Variants in PSMA5 observed in about 807,000 individuals in gnomAD.
PSMA5 encodes proteasome subunit alpha type-5.
In PSMA5, 3 loss-of-function variants were observed where a neutral mutation model predicts 34.5. The observed-to-expected ratio is 0.09, with a 90% confidence interval of 0.04 to 0.22. The LOEUF is 0.22. Among genes scored for constraint, PSMA5 ranks in the 10% least tolerant of loss-of-function variants. PSMA5 has a pLI of 1.00. For missense variants in PSMA5, 120 were observed against 286.1 expected, an observed-to-expected ratio of 0.42 and a Z score of 4.19; for synonymous variants, 88 against 95.8, an observed-to-expected ratio of 0.92 and a Z score of 0.47.
intron 4 of PSMA5, 123 bp downstream of exon 4, chr1:109,412,945 A>C: frequency 1.3e-6 from 1 of 783,994 alleles, no homozygotes; most frequent in Non-Finnish European, 2.1e-6. Context: ...TTCTACCCAA[A>C]ATTACTCCCA....
chr1:109,419,262 G>C (rs1557844458), intron 2 of PSMA5, among the ~76,000 whole-genome samples: 1 of 152,218 alleles, frequency 6.6e-6, no homozygotes, highest in Non-Finnish European at 1.5e-5. Flanking sequence ...ACAAGAGGGA[G>C]TTAAAGGGAA....
At position 109,426,352 on chromosome 1, in the gene PSMA5, C is replaced by G; in HGVS notation, c.-22G>C. The G allele has an allele frequency of 6.2e-7, 1 of 1,613,188 alleles. No individual in the cohort carries two copies. The highest frequency in any genetic ancestry group is 2.2e-5 in the East Asian group (1 of 44,768). ...ACATGGCGAGGGTAGGAGGAGGCAG[C>G]GGCTACGCGGGGATTCTGAGGACCA... On this transcript the variant is annotated 5_prime_UTR_variant, in exon 1 of 9. Coordinates refer to ENST00000271308, the MANE Select transcript of PSMA5 (RefSeq NM_002790.4).
intron 3 of PSMA5, 122 bp downstream of exon 3, chr1:109,415,115 G>T: frequency 8.0e-7 from 1 of 1,248,816 alleles, no homozygotes; most frequent in Non-Finnish European, 1.1e-6. Flanking sequence ...CTGGCCTACT[G>T]CCTGGAAAAT....
chr1:109,401,798 TAAAAA>T lies in PSMA5; in HGVS notation c.*210_*214del, dbSNP rs11314171. The T allele has an allele frequency of 1.1e-4, 22 of 203,672 alleles. No homozygotes were observed. Among genetic ancestry groups the T allele is most frequent in the South Asian group, 2.2e-4 (2 of 8,896 alleles). 12.6% of individuals were successfully genotyped at this position (203,672 alleles called of 1,614,324 possible). ...GGCAATATAGTGAGACCTCATCTCT[TAAAAA>T]AAAAAAAAAAAAAAAGACTATTAGA... is the stretch of plus-strand genomic sequence containing the variant. On this transcript the variant is annotated 3_prime_UTR_variant, in exon 9 of 9. Coordinates refer to ENST00000271308, the MANE Select transcript of PSMA5 (RefSeq NM_002790.4).
At position 109,400,010 on chromosome 1, in the gene PSMA5, C is replaced by T. The variant is rs1653438624; in HGVS notation, c.*2003G>A. 6.6e-6 allele frequency: 1 copy of T among 152,128 alleles called. No homozygotes were observed. Among genetic ancestry groups the T allele is most frequent in the Non-Finnish European group, 1.5e-5 (1 of 68,022 alleles). The allele number at this position is 152,128 out of a possible 1,614,324, so 9.4% of individuals were successfully genotyped here. ...AAACCATTGCTGTTCGTAGTAAGAT[C>T]ACTTCTTTAACCTAAGAAAGCTTGT... On this transcript the variant is annotated 3_prime_UTR_variant, in exon 9 of 9. Coordinates refer to ENST00000271308, the MANE Select transcript of PSMA5 (RefSeq NM_002790.4).
At chr1:109,421,118 T>C (rs112512015) in intron 2 of PSMA5, among the ~76,000 whole-genome samples, 173 of 151,858 alleles carry the variant, frequency 1.1e-3, no homozygotes, top group African/African-American at 3.9e-3. Flanking sequence ...GCCCAGGAGT[T>C]AGAAGCTGCA....
chr1:109,417,439 T>C (rs1654254109), intron 2 of PSMA5, among the ~76,000 whole-genome samples: 1 of 152,158 alleles, frequency 6.6e-6, no homozygotes, highest in Non-Finnish European at 1.5e-5. Flanking sequence ...GAGCTAAAAA[T>C]TGCAAGGTGG....
intron 8 of PSMA5, among the ~76,000 whole-genome samples, chr1:109,409,265 T>A (rs906029171): frequency 2.0e-5 from 3 of 152,180 alleles, no homozygotes; most frequent in African/African-American, 7.2e-5. Flanking sequence ...CAATCAATTC[T>A]GATGCCTCAG....
At chr1:109,412,354 T>C in intron 4 of PSMA5, 170 bp from the exon 5 acceptor site, 2 of 575,268 alleles carry the variant, frequency 3.5e-6, no homozygotes, top group South Asian at 4.4e-5. Flanking sequence ...GGAAGAGAAA[T>C]AGCTCTGGAA....
chr1:109,410,420 C>T (rs1328436783), intron 7 of PSMA5, among the ~76,000 whole-genome samples: 2 of 152,132 alleles, frequency 1.3e-5, no homozygotes, highest in Non-Finnish European at 2.9e-5. Flanking sequence ...CTGTTTTGTA[C>T]CTAATTTCTT....
rs1041705801 is a variant in PSMA5, at chr1:109,401,686, G to C, written c.*327C>G. 1 of 185,548 alleles carries C rather than the reference G, an allele frequency of 5.4e-6. No homozygotes were observed. Among genetic ancestry groups the C allele is most frequent in the Non-Finnish European group, 1.1e-5 (1 of 90,846 alleles). 11.5% of individuals were successfully genotyped at this position (185,548 alleles called of 1,614,324 possible). ...ACAAAAGACTGTATTACAATGGCTG[G>C]GCACAGTGGCTCTCGCCTATAATCC... is the stretch of plus-strand genomic sequence containing the variant. On this transcript the variant is annotated 3_prime_UTR_variant, in exon 9 of 9. Transcript: ENST00000271308.
chr1:109,411,160 ACTTT>A (rs772076409), intron 6 of PSMA5, 47 bp from the exon 7 acceptor site: 10 of 1,339,768 alleles, frequency 7.5e-6, no homozygotes, highest in Non-Finnish European at 1.1e-5. Context: ...GAGTGGTGGC[ACTTT>A]ATGTAACAAA....
intron 8 of PSMA5, among the ~76,000 whole-genome samples, chr1:109,405,082 G>A (rs1653692936): frequency 6.6e-6 from 1 of 152,230 alleles, no homozygotes; most frequent in Non-Finnish European, 1.5e-5. Flanking sequence ...TGTATGGCTA[G>A]ACCACAGCTT....
At chr1:109,405,214 A>G (rs1263345579) in intron 8 of PSMA5, among the ~76,000 whole-genome samples, 3 of 152,208 alleles carry the variant, frequency 2.0e-5, no homozygotes, top group Non-Finnish European at 4.4e-5. Context: ...TCCTGACTCT[A>G]CCATTTACCT....
At chr1:109,424,570 G>C (rs1274105174) in intron 1 of PSMA5, among the ~76,000 whole-genome samples, 1 of 152,022 alleles carries the variant, frequency 6.6e-6, no homozygotes, top group Non-Finnish European at 1.5e-5. Flanking sequence ...GAGGTCAGGA[G>C]TTCAAGACCA....
At chr1:109,406,830 C>A (rs1467999012) in intron 8 of PSMA5, among the ~76,000 whole-genome samples, 1 of 152,046 alleles carries the variant, frequency 6.6e-6, no homozygotes, top group Non-Finnish European at 1.5e-5. Flanking sequence ...GGGGGTTGTA[C>A]ATTTGTCAAC....
chr1:109,404,610 GA>G (rs1199912891), intron 8 of PSMA5, among the ~76,000 whole-genome samples: 3 of 152,096 alleles, frequency 2.0e-5, no homozygotes, highest in Non-Finnish European at 2.9e-5. Context: ...CTCATCACTA[GA>G]TAAGTAAAAA....
chr1:109,400,577 A>G lies in PSMA5; in HGVS notation c.*1436T>C, dbSNP rs1331873933. The G allele has an allele frequency of 6.6e-6, 1 of 152,248 alleles. No homozygotes were observed. Among genetic ancestry groups the G allele is most frequent in the African/African-American group, 2.4e-5 (1 of 41,468 alleles). The allele number at this position is 152,248 out of a possible 1,614,324, so 9.4% of individuals were successfully genotyped here. A position where few individuals can be genotyped will look rare whatever the true frequency, so the allele number is the denominator to read the frequency against. On this transcript the variant is annotated 3_prime_UTR_variant, in exon 9 of 9. Coordinates refer to ENST00000271308, the MANE Select transcript of PSMA5 (RefSeq NM_002790.4). ...ATACTTAATAAGTGTTAAAATCACTAGAAGTCTCTGGAACATTCAGTAACA... is the reference window on the plus strand; with the variant it reads ...ATACTTAATAAGTGTTAAAATCACTGGAAGTCTCTGGAACATTCAGTAACA...
In PSMA5 at chr1:109,412,122, A is replaced by G; in HGVS notation, c.354T>C (p.Asn118=). Reference sequence around the variant, plus strand: ...CTTCTTCTCCAAACTGCAAAGCCAGATTGGACACAGCTTGGGTCACACTCT... The same window carrying G: ...CTTCTTCTCCAAACTGCAAAGCCAGGTTGGACACAGCTTGGGTCACACTCT... ...TVESVTQAVS[N]LALQFGEEDA... The change falls in exon 5 of 9, where the codon AAT becomes AAC. Residue 118 remains asparagine, a synonymous_variant. Coordinates refer to ENST00000271308, the MANE Select transcript of PSMA5 (RefSeq NM_002790.4). 6.2e-7 allele frequency: 1 copy of G among 1,614,132 alleles called. No homozygotes were observed. Among genetic ancestry groups the G allele is most frequent in the East Asian group, 2.2e-5 (1 of 44,882 alleles).
Sources: allele counts gnomAD v4.1 joint callset (sites outside exome capture counted in the v4.1 genomes callset), GRCh38; gene constraint gnomAD v4.1.1; transcripts MANE v1.5; gene names NCBI Gene and HGNC (gene_info 2026-07-23, HGNC 2026-07-21).